Variants in SPON1 observed in about 807,000 individuals in gnomAD.
SPON1 encodes the protein spondin-1.
Under a neutral mutation model 111.7 loss-of-function variants are expected in SPON1, and 52 were observed. The observed-to-expected ratio is 0.47, with a 90% CI of 0.37 to 0.59. The LOEUF (loss-of-function observed/expected upper bound fraction) is 0.59. Among genes scored for constraint, SPON1 ranks in the 20% least tolerant of loss-of-function variants. The pLI, the probability that SPON1 is intolerant of heterozygous loss-of-function variation, is 0.00. For synonymous variants in SPON1, 410 were observed against 395.8 expected (o/e 1.04, Z -0.43); for missense variants, 957 against 1,068.5 (o/e 0.90, Z 1.46).
chr11:14,255,868 T>C (rs1849101622), intron 9 of SPON1, 81 bp downstream of exon 9: 6 of 1,446,002 alleles, frequency 4.1e-6, no homozygotes, highest in African/African-American at 1.4e-5. Flanking sequence ...TGCTCTAGAA[T>C]CATAGAGTCA....
At chr11:14,119,603 T>C (rs75379324) in intron 5 of SPON1, among the ~76,000 whole-genome samples, 3,304 of 152,282 alleles carry the variant, frequency 0.022, 123 homozygotes, top group African/African-American at 0.075. Context: ...GCCATAGTTG[T>C]GGCTGAAATT....
At chr11:14,229,005 A>G (rs1848767807) in intron 6 of SPON1, among the ~76,000 whole-genome samples, 1 of 152,136 alleles carries the variant, frequency 6.6e-6, no homozygotes, top group African/African-American at 2.4e-5. Context: ...TCCAAGAAAG[A>G]GGAAGGTTAG....
intron 3 of SPON1, among the ~76,000 whole-genome samples, chr11:14,049,249 C>T (rs1848691032): frequency 6.6e-6 from 1 of 152,166 alleles, no homozygotes. Flanking sequence ...CCTCCAACAT[C>T]ATTAGAGCCA....
chr11:14,188,324 AAG>A (rs1848309341), intron 6 of SPON1, among the ~76,000 whole-genome samples: 2 of 152,256 alleles, frequency 1.3e-5, no homozygotes, highest in South Asian at 4.2e-4. Flanking sequence ...ATATTTTCAG[AAG>A]ATAAGTCCTG....
chr11:14,126,549 C>A (rs1031128836), intron 5 of SPON1, among the ~76,000 whole-genome samples: 1 of 152,168 alleles, frequency 6.6e-6, no homozygotes, highest in Non-Finnish European at 1.5e-5. Context: ...AGCTTCCCCC[C>A]ACCTCTGGGC....
At chr11:14,130,858 T>C (rs1847520077) in intron 5 of SPON1, among the ~76,000 whole-genome samples, 1 of 151,104 alleles carries the variant, frequency 6.6e-6, no homozygotes, top group Non-Finnish European at 1.5e-5. Flanking sequence ...TTGAGTCCTT[T>C]CAGAGCAGTC....
At chr11:14,033,795 T>C (rs1848575591) in intron 2 of SPON1, among the ~76,000 whole-genome samples, 2 of 152,164 alleles carry the variant, frequency 1.3e-5, no homozygotes, top group Admixed American at 6.5e-5. Flanking sequence ...AATCAAACCT[T>C]GTCTACCTGT....
intron 14 of SPON1, among the ~76,000 whole-genome samples, chr11:14,260,996 GAC>G (rs1480244341): frequency 2.0e-5 from 3 of 152,136 alleles, no homozygotes; most frequent in African/African-American, 7.2e-5. Context: ...CTAAATGACA[GAC>G]ACATACGAAA....
intron 6 of SPON1, among the ~76,000 whole-genome samples, chr11:14,203,332 C>G (rs1355858448): frequency 6.6e-6 from 1 of 152,230 alleles, no homozygotes; most frequent in Admixed American, 6.5e-5. Context: ...CCCACACACA[C>G]AGACTGGGCT....
chr11:14,234,486 G>T (rs782686991), intron 6 of SPON1, among the ~76,000 whole-genome samples: 1 of 152,204 alleles, frequency 6.6e-6, no homozygotes, highest in African/African-American at 2.4e-5. Context: ...ACTTGTGTGA[G>T]CACTAAAAAG....
intron 6 of SPON1, among the ~76,000 whole-genome samples, chr11:14,174,872 A>T (rs1230816000): frequency 1.3e-5 from 2 of 152,200 alleles, no homozygotes; most frequent in East Asian, 3.9e-4. Flanking sequence ...ACCTGACTTT[A>T]TCCATGCCAA....
At chr11:14,229,385 C>T (rs1230802348) in intron 6 of SPON1, among the ~76,000 whole-genome samples, 1 of 152,048 alleles carries the variant, frequency 6.6e-6, no homozygotes, top group Non-Finnish European at 1.5e-5. Flanking sequence ...CAGAAGGATC[C>T]AATGCAAAAG....
intron 6 of SPON1, among the ~76,000 whole-genome samples, chr11:14,190,177 A>G (rs1159180717): frequency 6.6e-6 from 1 of 152,146 alleles, no homozygotes; most frequent in Non-Finnish European, 1.5e-5. Flanking sequence ...ATGAAACCCT[A>G]TGTGAACTTC....
At chr11:14,008,045 G>A (rs1387226401) in intron 2 of SPON1, among the ~76,000 whole-genome samples, 3 of 152,122 alleles carry the variant, frequency 2.0e-5, no homozygotes, top group Non-Finnish European at 4.4e-5. Context: ...ACTTTCTGGG[G>A]ATTAGAAGTG....
At chr11:14,164,653 C>A (rs7950579) in intron 6 of SPON1, among the ~76,000 whole-genome samples, 29,605 of 152,150 alleles carry the variant, frequency 0.19, 2,991 homozygotes, top group Admixed American at 0.25. Flanking sequence ...CGATTCATCA[C>A]GACAGGGGCA....
At chr11:14,198,677 G>C (rs1288375050) in intron 6 of SPON1, among the ~76,000 whole-genome samples, 1 of 152,208 alleles carries the variant, frequency 6.6e-6, no homozygotes, top group Non-Finnish European at 1.5e-5. Flanking sequence ...CCTGGACTCA[G>C]CACCTCTTTC....
intron 5 of SPON1, among the ~76,000 whole-genome samples, chr11:14,126,050 T>G (rs1275557405): frequency 6.6e-6 from 1 of 152,204 alleles, no homozygotes; most frequent in Non-Finnish European, 1.5e-5. Context: ...AGAAGGCATT[T>G]CCTCTTCCTC....
rs374070123 is a variant in SPON1 at position 14,256,712 on chromosome 11, T to G, written c.1309+20T>G. On this transcript the variant is annotated intron_variant, in intron 10 of 15. Transcript: ENST00000576479. ...ATGAAGGTACGTTGTTTTCTTTTGT[T>G]GCAGGTGGCAACATAAATTGACATA... is the stretch of plus-strand genomic sequence containing the variant. The G allele has an allele frequency of 1.1e-5, 17 of 1,601,688 alleles. No individual in the cohort carries two copies. The highest frequency in any genetic ancestry group is 1.7e-4 in the Middle Eastern group (1 of 6,056).
chr11:14,003,072 C>T (rs538631551), intron 2 of SPON1, among the ~76,000 whole-genome samples: 12 of 152,280 alleles, frequency 7.9e-5, no homozygotes, highest in South Asian at 4.2e-4. Context: ...CCGCGTTGTC[C>T]GTGCACACTC....
Sources: gnomAD v4.1 joint callset for allele counts (sites outside exome capture counted in the v4.1 genomes callset) on GRCh38, gnomAD v4.1.1 for gene constraint, MANE v1.5 for transcripts, NCBI Gene and HGNC (gene_info 2026-07-23, HGNC 2026-07-21) for gene names.